The following SLC9C2 variants were observed in gnomAD, a reference collection of about 807,000 sequenced individuals.
The protein encoded by SLC9C2 is sodium/hydrogen exchanger 11.
Under a neutral mutation model 140.2 loss-of-function variants are expected in SLC9C2, and 75 were observed. The ratio of observed to expected loss-of-function variants is 0.53; its 90% CI spans 0.44 to 0.65. The LOEUF (loss-of-function observed/expected upper bound fraction) is 0.65, where lower values mean the gene tolerates loss of function less well. SLC9C2 is among the 30% of genes least tolerant of loss of function. SLC9C2 has a pLI of 0.00. For missense variants in SLC9C2, 1,074 were observed against 1,331.8 expected, an observed-to-expected ratio of 0.81 and a Z score of 3.01; for synonymous variants, 375 against 420.9, an observed-to-expected ratio of 0.89 and a Z score of 1.34.
At chr1:173,529,830 C>T in intron 18 of SLC9C2, 75 bp downstream of exon 18, 1 of 1,499,418 alleles carries the variant, frequency 6.7e-7, no homozygotes, top group Non-Finnish European at 8.9e-7. Flanking sequence ...GTCAAACACA[C>T]ATAGAACTAG....
rs757495222 is a variant in SLC9C2 at position 173,530,046 on chromosome 1, T to A, written c.2172A>T (p.Val724=). The A allele has an allele frequency of 1.9e-6, 3 of 1,591,776 alleles. No individual in the cohort carries two copies. In the South Asian group the frequency reaches 3.5e-5, roughly 18 times the overall value. The change falls in exon 18 of 28, where the codon GTA becomes GTT. Residue 724 remains valine, a synonymous_variant. Coordinates refer to ENST00000367714, the MANE Select transcript of SLC9C2 (RefSeq NM_178527.4). ...CATCTGCAATTCTTATCAGTATTGG[T>A]ACTATTATCTGGAATAATGAGAAGA... The part of the protein sequence containing the change: ...IRFLPLFKII[V]PILIRIADVQ...
rs922122637 is a variant in SLC9C2, at chr1:173,557,766, A to G, written c.1047-258T>C. Among the ~76,000 whole-genome samples the G allele has an allele frequency of 3.9e-5, 6 of 152,324 alleles. No individual in the cohort carries two copies. In the South Asian group the frequency reaches 1.2e-3, roughly 32 times the overall value. On this transcript the variant is annotated intron_variant, in intron 9 of 27. Coordinates refer to ENST00000367714, the MANE Select transcript of SLC9C2 (RefSeq NM_178527.4). Reference sequence around the variant, plus strand: ...AAGGAATTATCATCAACACTACTGTATACTGTTTGGAATTGGGTAGTAAAT... The same window carrying G: ...AAGGAATTATCATCAACACTACTGTGTACTGTTTGGAATTGGGTAGTAAAT...
chr1:173,534,380 A>G, intron 16 of SLC9C2, 104 bp downstream of exon 16: 1 of 1,214,974 alleles, frequency 8.2e-7, no homozygotes, highest in Non-Finnish European at 1.1e-6. Context: ...CAACTATCAT[A>G]GCAAATGGCT....
intron 18 of SLC9C2, among the ~76,000 whole-genome samples, chr1:173,527,391 C>T (rs1661280718): frequency 6.6e-6 from 1 of 152,154 alleles, no homozygotes; most frequent in South Asian, 2.1e-4. Context: ...CCTCATTTGG[C>T]AGTGAGCCAA....
chr1:173,515,612 T>C (rs978226628), intron 23 of SLC9C2, among the ~76,000 whole-genome samples: 1 of 152,208 alleles, frequency 6.6e-6, no homozygotes, highest in Admixed American at 6.5e-5. Flanking sequence ...AACATGCTCC[T>C]TTAGCTCAGC....
Position 173,583,576 on chromosome 1 carries a change from G to T in SLC9C2, c.570C>A (p.Ile190=). The T allele has an allele frequency of 6.2e-7, 1 of 1,609,832 alleles. No individual in the cohort carries two copies. Among genetic ancestry groups the T allele is most frequent in the South Asian group, 1.1e-5 (1 of 89,816 alleles). Residue 190 remains isoleucine (I), a synonymous_variant, in exon 6 of 28, where the codon ATC becomes ATA. Coordinates refer to ENST00000367714, the MANE Select transcript of SLC9C2 (RefSeq NM_178527.4). ...AAAAAATTGATGCGATGCTACAAAT[G>T]ATCAATGATTCTCCTCTAATGAGAT... The part of the protein sequence containing the change: ...YIDLIRGESL[I]ICSIASIFFG...
At chr1:173,562,145 C>A (rs901569225) in intron 9 of SLC9C2, among the ~76,000 whole-genome samples, 2 of 152,120 alleles carry the variant, frequency 1.3e-5, no homozygotes, top group Non-Finnish European at 2.9e-5. Context: ...CAGAAACTAG[C>A]CCCTGTGCCC....
At position 173,587,604 on chromosome 1, in the gene SLC9C2, C is replaced by G. The variant is rs1305451673; in HGVS notation, c.523+61G>C. On this transcript the variant is annotated intron_variant, in intron 5 of 27. Transcript: ENST00000367714. ...ACAATTCATGCAAGAAAAATATAAT[C>G]AAAAGAAAATAATGTACCCTTATAT... 4.8e-6 allele frequency: 7 copies of G among 1,456,034 alleles called. No homozygotes were observed. The African/African-American group carries it at 1.0e-4, about 21-fold the overall frequency. 90.2% of individuals were successfully genotyped at this position (1,456,034 alleles called of 1,614,324 possible).
chr1:173,516,461 T>C (rs1660427191), intron 23 of SLC9C2, among the ~76,000 whole-genome samples: 1 of 152,170 alleles, frequency 6.6e-6, no homozygotes, highest in African/African-American at 2.4e-5. Context: ...CTCTCCCTCC[T>C]TCCACCCTCC....
chr1:173,503,801 TAAACA>T (rs1659444761), intron 26 of SLC9C2, among the ~76,000 whole-genome samples: 1 of 152,288 alleles, frequency 6.6e-6, no homozygotes, highest in East Asian at 1.9e-4. Flanking sequence ...AAGTGACTCT[TAAACA>T]AATTAAGAGT....
At chr1:173,513,936 G>A (rs1660228534) in intron 23 of SLC9C2, among the ~76,000 whole-genome samples, 1 of 152,168 alleles carries the variant, frequency 6.6e-6, no homozygotes, top group Non-Finnish European at 1.5e-5. Context: ...GGAGCAGATT[G>A]TTCAATTTCC....
intron 24 of SLC9C2, among the ~76,000 whole-genome samples, chr1:173,509,059 C>T (rs560711358): frequency 1.3e-5 from 2 of 151,694 alleles, no homozygotes; most frequent in East Asian, 3.9e-4. Context: ...TTGCAAGTAG[C>T]TTGGGAAAAT....
At chr1:173,501,885 G>A (rs1659298366) in intron 27 of SLC9C2, among the ~76,000 whole-genome samples, 1 of 152,076 alleles carries the variant, frequency 6.6e-6, no homozygotes, top group African/African-American at 2.4e-5. Flanking sequence ...AGACTACCTT[G>A]ATTATCATAA....
chr1:173,561,602 A>C (rs1558068202), intron 9 of SLC9C2, among the ~76,000 whole-genome samples: 1 of 152,130 alleles, frequency 6.6e-6, no homozygotes, highest in Non-Finnish European at 1.5e-5. Flanking sequence ...ATGGATGGGA[A>C]GTCTGACAAT....
chr1:173,505,978 G>A (rs1385156763), intron 25 of SLC9C2, among the ~76,000 whole-genome samples: 1 of 152,140 alleles, frequency 6.6e-6, no homozygotes, highest in Admixed American at 6.5e-5. Context: ...AAACTAAGCT[G>A]CAGTATTACT....
At chr1:173,560,521 T>G (rs1325501890) in intron 9 of SLC9C2, among the ~76,000 whole-genome samples, 1 of 152,208 alleles carries the variant, frequency 6.6e-6, no homozygotes, top group Non-Finnish European at 1.5e-5. Context: ...CTCTTCCAGC[T>G]CCACAGTTTC....
At position 173,506,891 on chromosome 1, in the gene SLC9C2, A is replaced by T; in HGVS notation, c.3190T>A (p.Phe1064Ile). 10 of 1,613,710 alleles carry T rather than the reference A, an allele frequency of 6.2e-6. No homozygotes were observed. Among genetic ancestry groups the T allele is most frequent in the Non-Finnish European group, 8.5e-6 (10 of 1,179,886 alleles). ...VIDTKTEEPY[F>I]APCIIPTTCE... ...GTTGTAGGTATAATGCAAGGTGCAA[A>T]ATATGGTTCCTCTGTCTTAGTATCA... Residue 1064 changes from phenylalanine (F) to isoleucine (I), a missense_variant, in exon 25 of 28, where the codon TTT becomes ATT. Coordinates refer to ENST00000367714, the MANE Select transcript of SLC9C2 (RefSeq NM_178527.4).
At position 173,504,626 on chromosome 1, in the gene SLC9C2, T is replaced by C. The variant is rs576335233; in HGVS notation, c.3310+621A>G. Among the ~76,000 whole-genome samples the C allele has an allele frequency of 2.0e-5, 3 of 152,208 alleles. No homozygotes were observed. The South Asian group carries it at 6.2e-4, about 32-fold the overall frequency. On this transcript the variant is annotated intron_variant, in intron 26 of 27. Transcript: ENST00000367714. Reference sequence around the variant, plus strand: ...GCTGGGAGAATTTTGTCATTGGGCTTGGGAGGGCAGGGATGCTGAGCACAA... The same window carrying C: ...GCTGGGAGAATTTTGTCATTGGGCTCGGGAGGGCAGGGATGCTGAGCACAA...
chr1:173,571,538 T>C (rs1664843437), intron 9 of SLC9C2: 1 of 152,240 alleles, frequency 6.6e-6, no homozygotes, highest in Non-Finnish European at 1.5e-5. Context: ...TGCCATCTAG[T>C]GCTGGCACAT....
Sources: gnomAD v4.1 joint callset for allele counts (sites outside exome capture counted in the v4.1 genomes callset) on GRCh38, gnomAD v4.1.1 for gene constraint, MANE v1.5 for transcripts, NCBI Gene and HGNC (gene_info 2026-07-23, HGNC 2026-07-21) for gene names.